The following CBFA2T2 variants were observed in gnomAD, a reference collection of about 807,000 sequenced individuals.
CBFA2T2 encodes the protein CBFA2/RUNX1 partner transcriptional co-repressor 2, also known as protein CBFA2T2.
A neutral mutation model predicts 62.2 loss-of-function variants in CBFA2T2; 11 were observed. The observed-to-expected ratio is 0.18, with a 90% confidence interval of 0.11 to 0.29. The LOEUF is 0.29. CBFA2T2 is among the 10% of genes least tolerant of loss of function. The pLI, the probability that CBFA2T2 is intolerant of heterozygous loss-of-function variation, is 1.00. For missense variants in CBFA2T2, 592 were observed against 774.1 expected, an observed-to-expected ratio of 0.76 and a Z score of 2.79; for synonymous variants, 295 against 287.5, an observed-to-expected ratio of 1.03 and a Z score of -0.27.
chr20:33,640,228 G>A (rs1458661337), intron 9 of CBFA2T2, 113 bp from the exon 10 acceptor site: 2 of 959,918 alleles, frequency 2.1e-6, no homozygotes, highest in Non-Finnish European at 3.1e-6. Context: ...GTTCCTCCCT[G>A]TGGAGTTTTA....
At chr20:33,623,076 T>C (rs746886327) in intron 4 of CBFA2T2, 39 bp from the exon 5 acceptor site, 16 of 1,608,966 alleles carry the variant, frequency 9.9e-6, no homozygotes, top group Non-Finnish European at 1.3e-5. Flanking sequence ...CCTTCTTGTG[T>C]AGGGCCTAAC....
intron 1 of CBFA2T2, among the ~76,000 whole-genome samples, chr20:33,550,274 T>C (rs1486614226): frequency 6.6e-6 from 1 of 152,210 alleles, no homozygotes; most frequent in Non-Finnish European, 1.5e-5. Context: ...AAATTATTAA[T>C]TTTTTGTCAA....
chr20:33,559,168 C>CTTTTTTTT (rs1343276573), intron 1 of CBFA2T2, among the ~76,000 whole-genome samples: 1 of 102,378 alleles, frequency 9.8e-6, no homozygotes, highest in African/African-American at 5.0e-5. Context: ...TCTTTTTTTC[C>CTTTTTTTT]TTTCTTTTTT....
chr20:33,523,846 G>A (rs943979765), intron 1 of CBFA2T2, among the ~76,000 whole-genome samples: 1 of 152,050 alleles, frequency 6.6e-6, no homozygotes, highest in African/African-American at 2.4e-5. Context: ...CACCACTCCC[G>A]GCTAATTTTG....
At chr20:33,530,637 G>A (rs1349854270) in intron 1 of CBFA2T2, among the ~76,000 whole-genome samples, 2 of 151,568 alleles carry the variant, frequency 1.3e-5, no homozygotes, top group Non-Finnish European at 2.9e-5. Flanking sequence ...GGCTGGTCTC[G>A]GATCACCTTA....
intron 1 of CBFA2T2, among the ~76,000 whole-genome samples, chr20:33,559,193 T>TTTTTC (rs1555835221): frequency 6.2e-5 from 9 of 144,004 alleles, no homozygotes; most frequent in African/African-American, 1.9e-4. Flanking sequence ...TTTTTTTTTT[T>TTTTTC]CTGAGATGGA....
intron 1 of CBFA2T2, among the ~76,000 whole-genome samples, chr20:33,519,535 T>C (rs192094179): frequency 1.6e-4 from 24 of 152,296 alleles, no homozygotes; most frequent in Admixed American, 3.3e-4. Context: ...GCAAATATTA[T>C]ACCATTTTAC....
chr20:33,553,521 C>T (rs1325114987), intron 1 of CBFA2T2, among the ~76,000 whole-genome samples: 1 of 152,226 alleles, frequency 6.6e-6, no homozygotes, highest in Non-Finnish European at 1.5e-5. Context: ...CGTGAGCCAC[C>T]ATGCCCAGCC....
rs374628004 is a variant in CBFA2T2 at position 33,562,036 on chromosome 20, CAAA to C, written c.35-44916_35-44914del. ...TTATATTAGGATTTAAAAACTGGCTCAAAAAACAGAAGCTATTAAACAATAGCA... is the reference window on the plus strand; with the variant it reads ...TTATATTAGGATTTAAAAACTGGCTCAAACAGAAGCTATTAAACAATAGCA... On this transcript the variant is annotated intron_variant, in intron 1 of 10. Coordinates refer to ENST00000342704, the MANE Select transcript of CBFA2T2 (RefSeq NM_001032999.3). Among the ~76,000 whole-genome samples, 103 of 152,080 alleles carry C rather than the reference CAAA, an allele frequency of 6.8e-4. 1 individual carries two copies. In the South Asian group the frequency reaches 0.02, roughly 30 times the overall value.
chr20:33,523,867 A>G (rs1376421755), intron 1 of CBFA2T2, among the ~76,000 whole-genome samples: 11 of 152,078 alleles, frequency 7.2e-5, no homozygotes, highest in Non-Finnish European at 1.5e-5. Context: ...TATTTTTAGC[A>G]GAGACGGGGT....
At chr20:33,575,694 G>C (rs2013789484) in intron 1 of CBFA2T2, among the ~76,000 whole-genome samples, 1 of 152,054 alleles carries the variant, frequency 6.6e-6, no homozygotes, top group African/African-American at 2.4e-5. Context: ...TAAGAGTGAA[G>C]AGCTCAAGGA....
At chr20:33,616,016 C>T (rs1245229688) in intron 3 of CBFA2T2, among the ~76,000 whole-genome samples, 1 of 151,854 alleles carries the variant, frequency 6.6e-6, no homozygotes, top group Non-Finnish European at 1.5e-5. Context: ...TTCGAGGCTG[C>T]CATGAGCCAT....
chr20:33,613,635 T>G (rs1414895716), intron 3 of CBFA2T2, among the ~76,000 whole-genome samples: 1 of 152,218 alleles, frequency 6.6e-6, no homozygotes, highest in Non-Finnish European at 1.5e-5. Flanking sequence ...TTTTACCCTC[T>G]TAGAAGGAAA....
intron 1 of CBFA2T2, among the ~76,000 whole-genome samples, chr20:33,587,705 C>G (rs1348303339): frequency 6.6e-6 from 1 of 152,206 alleles, no homozygotes; most frequent in Non-Finnish European, 1.5e-5. Flanking sequence ...AGCCCCGTAC[C>G]CAGTTTTAAT....
At chr20:33,636,258 C>CAAAAA (rs34178424) in intron 8 of CBFA2T2, among the ~76,000 whole-genome samples, 2 of 75,110 alleles carry the variant, frequency 2.7e-5, no homozygotes, top group African/African-American at 9.6e-5. Flanking sequence ...GACTCCGTCT[C>CAAAAA]AAAAAAAAAA....
chr20:33,491,736 C>T (rs372988748), intron 1 of CBFA2T2, among the ~76,000 whole-genome samples: 18 of 151,476 alleles, frequency 1.2e-4, no homozygotes, highest in African/African-American at 4.4e-4. Flanking sequence ...GAATCTTGCT[C>T]TGTCGCCCAG....
In CBFA2T2 at chr20:33,557,647, C is replaced by T. The variant is rs1600967799; in HGVS notation, c.35-49309C>T. 2.0e-5 allele frequency among the ~76,000 whole-genome samples: 3 copies of T among 151,958 alleles called. No individual in the cohort carries two copies. The South Asian group carries it at 6.2e-4, about 32-fold the overall frequency. On this transcript the variant is annotated intron_variant, in intron 1 of 10. Transcript: ENST00000342704. Reference sequence around the variant, plus strand: ...TCAGCCTCTCAGGTAGCTAGGACTGCGGGCATGCCCCAACACGCCTGGCTA... The same window carrying T: ...TCAGCCTCTCAGGTAGCTAGGACTGTGGGCATGCCCCAACACGCCTGGCTA...
intron 6 of CBFA2T2, among the ~76,000 whole-genome samples, chr20:33,626,232 C>A (rs1354200352): frequency 6.6e-6 from 1 of 152,200 alleles, no homozygotes; most frequent in East Asian, 1.9e-4. Flanking sequence ...CATGGTGAGA[C>A]CCTGCCTCAA....
intron 1 of CBFA2T2, among the ~76,000 whole-genome samples, chr20:33,577,653 C>G (rs963903084): frequency 2.0e-5 from 3 of 152,174 alleles, no homozygotes; most frequent in African/African-American, 7.2e-5. Context: ...AATGTGCAAA[C>G]TTCATTGAGT....
Sources: gnomAD v4.1 joint callset for allele counts (sites outside exome capture counted in the v4.1 genomes callset) on GRCh38, gnomAD v4.1.1 for gene constraint, MANE v1.5 for transcripts, NCBI Gene and HGNC (gene_info 2026-07-23, HGNC 2026-07-21) for gene names.